The following GMEB1 variants were observed in gnomAD, a reference collection of about 807,000 sequenced individuals.
GMEB1 encodes glucocorticoid modulatory element-binding protein 1.
A neutral mutation model predicts 52.4 loss-of-function variants in GMEB1; 6 were observed. The observed-to-expected ratio is 0.11, with a 90% CI of 0.06 to 0.23. GMEB1 has a LOEUF of 0.23. Ranked by LOEUF, GMEB1 falls within the 10% of genes least tolerant of loss-of-function variation. The pLI is 1.00. For missense variants in GMEB1, 486 were observed against 685.6 expected, an observed-to-expected ratio of 0.71 and a Z score of 3.25; for synonymous variants, 255 against 244.9, an observed-to-expected ratio of 1.04 and a Z score of -0.38.
At chr1:28,713,572 C>T (rs1256828968) in intron 9 of GMEB1, among the ~76,000 whole-genome samples, 1 of 151,344 alleles carries the variant, frequency 6.6e-6, no homozygotes, top group Non-Finnish European at 1.5e-5. Context: ...TTAGGGACTT[C>T]TTCTATAACT....
rs117807950 is a variant in GMEB1 at position 28,675,573 on chromosome 1, G to A, written c.-31+6734G>A. On this transcript the variant is annotated intron_variant, in intron 1 of 9. Transcript: ENST00000373816. ...GCACATGTCATCCCAGCTGCTACTC[G>A]GAAGGCTGAGGCACAACAATCGCTT... is the stretch of plus-strand genomic sequence containing the variant. 2.3e-4 allele frequency among the ~76,000 whole-genome samples: 35 copies of A among 151,790 alleles called. No individual in the cohort carries two copies. The East Asian group carries it at 6.6e-3, about 29-fold the overall frequency.
chr1:28,679,117 C>T (rs1183457957), intron 1 of GMEB1, among the ~76,000 whole-genome samples: 1 of 151,718 alleles, frequency 6.6e-6, no homozygotes, highest in East Asian at 1.9e-4. Flanking sequence ...ATCTCTTGAT[C>T]TCGTGATCCG....
intron 1 of GMEB1, among the ~76,000 whole-genome samples, chr1:28,680,152 C>T (rs969455107): frequency 1.3e-5 from 2 of 151,730 alleles, no homozygotes; most frequent in Non-Finnish European, 2.9e-5. Flanking sequence ...AGGCCAAGGC[C>T]GGATGATCAC....
intron 8 of GMEB1, among the ~76,000 whole-genome samples, chr1:28,707,350 G>T (rs1422857438): frequency 6.6e-6 from 1 of 152,066 alleles, no homozygotes; most frequent in African/African-American, 2.4e-5. Context: ...TCTGGTTGCT[G>T]TGTGGAGAGT....
intron 1 of GMEB1, among the ~76,000 whole-genome samples, chr1:28,682,919 T>C (rs1669460664): frequency 6.6e-6 from 1 of 152,184 alleles, no homozygotes; most frequent in Non-Finnish European, 1.5e-5. Context: ...ATTTCGGGTC[T>C]GTTTACGCCC....
intron 1 of GMEB1, among the ~76,000 whole-genome samples, chr1:28,681,895 G>T (rs1669407270): frequency 6.6e-6 from 1 of 151,872 alleles, no homozygotes; most frequent in Non-Finnish European, 1.5e-5. Context: ...GTAGAGACAG[G>T]GTTTCTCCAG....
intron 9 of GMEB1, among the ~76,000 whole-genome samples, chr1:28,713,147 G>C (rs1282292515): frequency 1.4e-5 from 2 of 139,246 alleles, no homozygotes; most frequent in African/African-American, 5.3e-5. Context: ...GACAGAGCGA[G>C]ACTCCATCTC....
chr1:28,672,303 C>T (rs1476623759), intron 1 of GMEB1, among the ~76,000 whole-genome samples: 7 of 150,140 alleles, frequency 4.7e-5, no homozygotes, highest in African/African-American at 1.7e-4. Context: ...TCACTGCAAG[C>T]TCCGCCTCCC....
At chr1:28,698,671 T>G (rs1557514254) in intron 6 of GMEB1, among the ~76,000 whole-genome samples, 1 of 114,178 alleles carries the variant, frequency 8.8e-6, no homozygotes, top group Non-Finnish European at 1.9e-5. Flanking sequence ...CGAGACTCCA[T>G]CTCAAAAAAA....
chr1:28,679,325 C>T (rs1669293365), intron 1 of GMEB1, among the ~76,000 whole-genome samples: 1 of 152,010 alleles, frequency 6.6e-6, no homozygotes, highest in Non-Finnish European at 1.5e-5. Flanking sequence ...TTACAGGCGC[C>T]CACCAACACA....
intron 1 of GMEB1, among the ~76,000 whole-genome samples, chr1:28,682,066 C>T (rs189323391): frequency 1.3e-3 from 204 of 152,120 alleles, no homozygotes; most frequent in Middle Eastern, 0.01. Context: ...TGGGCACAGT[C>T]GTAGTCATCT....
At chr1:28,691,303 A>G (rs1439769548) in intron 3 of GMEB1, among the ~76,000 whole-genome samples, 6 of 152,106 alleles carry the variant, frequency 3.9e-5, no homozygotes, top group African/African-American at 1.4e-4. Flanking sequence ...ATCTCAAAAA[A>G]GAAAAAAAGA....
In GMEB1 at chr1:28,694,528, A is replaced by G. The variant is rs148442306; in HGVS notation, c.440+1483A>G. Reference sequence around the variant, plus strand: ...TTAAAAAGAGCAATTGAAAAAAAAAAAAGCCCATGTTCTGTCACTAAGGCT... The same window carrying G: ...TTAAAAAGAGCAATTGAAAAAAAAAGAAGCCCATGTTCTGTCACTAAGGCT... On this transcript the variant is annotated intron_variant, in intron 5 of 9. Transcript: ENST00000373816. 4.4e-3 allele frequency among the ~76,000 whole-genome samples: 664 copies of G among 151,600 alleles called. 8 individuals are homozygous for G. The highest frequency in any genetic ancestry group is 7.8e-3 in the Non-Finnish European group (526 of 67,836).
Position 28,670,320 on chromosome 1 carries a change from TTTG to T in GMEB1, c.-31+1502_-31+1504del, listed in dbSNP as rs573305729. Among the ~76,000 whole-genome samples, 69 of 150,894 alleles carry T rather than the reference TTTG, an allele frequency of 4.6e-4. 1 individual carries two copies. Among genetic ancestry groups the T allele is most frequent in the East Asian group, 2.1e-3 (11 of 5,120 alleles). ...GGCGCGTGCCACCACACCAGCCAATTTTGTTGTTGTTGTTGTTGTTGTTTGAGA... is the reference window on the plus strand; with the variant it reads ...GGCGCGTGCCACCACACCAGCCAATTTTGTTGTTGTTGTTGTTGTTTGAGA... On this transcript the variant is annotated intron_variant, in intron 1 of 9. Transcript: ENST00000373816.
In GMEB1 at chr1:28,691,698, A is replaced by C; in HGVS notation, c.325A>C (p.Lys109Gln). 1.3e-6 allele frequency: 2 copies of C among 1,545,372 alleles called. No individual in the cohort carries two copies. The highest frequency in any genetic ancestry group is 1.8e-6 in the Non-Finnish European group (2 of 1,136,904). The change falls in exon 4 of 10, where the codon AAG becomes CAG. Residue 109 changes from lysine (K) to glutamine (Q), a missense_variant. Physicochemically the swap from Lys to Gln is moderately conservative, Grantham distance 53. Around this residue, in one of 5 missense-constraint regions of GMEB1, gnomAD observed 43 missense variants for 117.5 expected, o/e 0.37. Transcript: ENST00000373816. ...GTTTGTATGTCCAGGAATAAACGTG[A>C]AGTGTGTCAAGGTAATTGTCTTTTC... ...KKFVCPGINV[K>Q]CVKFNDQLIS...
rs1293940874 is a variant in GMEB1, at chr1:28,717,137, A to T, written c.*2364A>T. On this transcript the variant is annotated 3_prime_UTR_variant, in exon 10 of 10. Coordinates refer to ENST00000373816, the MANE Select transcript of GMEB1 (RefSeq NM_001319674.2). ...GTAAAAGTTGCATTCTCCATCCCTC[A>T]GATGGCTGTATGTAGTCAAAGAAAC... The T allele has an allele frequency of 1.3e-5, 2 of 151,848 alleles. No individual in the cohort carries two copies. The highest frequency in any genetic ancestry group is 2.9e-5 in the Non-Finnish European group (2 of 67,992). The allele number at this position is 151,848 out of a possible 1,614,324, so 9.4% of individuals were successfully genotyped here. A position where few individuals can be genotyped will look rare whatever the true frequency, so the allele number is the denominator to read the frequency against.
intron 1 of GMEB1, among the ~76,000 whole-genome samples, chr1:28,672,752 T>TG (rs1668954617): frequency 1.3e-5 from 2 of 148,440 alleles, no homozygotes; most frequent in Admixed American, 1.4e-4. Flanking sequence ...TTTTTTTTTT[T>TG]TTTGTTTTGA....
Position 28,697,054 on chromosome 1 carries a change from A to G in GMEB1, c.568A>G (p.Ser190Gly). ...ARAPVPGQQTSVVQTPTSADG... is the reference protein window; with the variant it reads ...ARAPVPGQQTGVVQTPTSADG... The stretch of plus-strand genomic sequence containing the variant: ...AGCTCCAGTGCCAGGACAGCAGACA[A>G]GTGTGGTGCAGACACCCACTTCGGC... Residue 190 changes from serine (S) to glycine (G), a missense_variant, in exon 6 of 10, where the codon AGT becomes GGT. This residue lies in a region of GMEB1 where 200 missense variants were observed against 253.5 expected (regional missense o/e 0.79). Transcript: ENST00000373816. 1 of 1,610,944 alleles carries G rather than the reference A, an allele frequency of 6.2e-7. No individual in the cohort carries two copies. Among genetic ancestry groups the G allele is most frequent in the South Asian group, 1.1e-5 (1 of 90,670 alleles).
intron 6 of GMEB1, among the ~76,000 whole-genome samples, chr1:28,701,419 G>A (rs547437579): frequency 1.3e-5 from 2 of 151,194 alleles, no homozygotes; most frequent in Non-Finnish European, 2.9e-5. Context: ...ACAGGCACCC[G>A]CCAGCACACC....
Sources: allele counts gnomAD v4.1 joint callset (sites outside exome capture counted in the v4.1 genomes callset), GRCh38; gene constraint gnomAD v4.1.1; regional missense constraint gnomAD v4.1.1; transcripts MANE v1.5; gene names NCBI Gene and HGNC (gene_info 2026-07-23, HGNC 2026-07-21).